Variants in PPP2R2D observed in about 807,000 individuals in gnomAD.
PPP2R2D encodes the protein serine/threonine-protein phosphatase 2A 55 kDa regulatory subunit B delta isoform.
A neutral mutation model predicts 31.1 loss-of-function variants in PPP2R2D; 9 were observed. The observed-to-expected ratio is 0.29, with a 90% CI of 0.17 to 0.51. PPP2R2D has a LOEUF of 0.51. Among genes scored for constraint, PPP2R2D ranks in the 20% least tolerant of loss-of-function variants. The pLI is 0.98. For synonymous variants in PPP2R2D, 179 were observed against 172.6 expected (o/e 1.04, Z -0.29); for missense variants, 391 against 465.6 (o/e 0.84, Z 1.48).
At chr10:131,907,335 T>A (rs915455182) in intron 2 of PPP2R2D, among the ~76,000 whole-genome samples, 1 of 152,200 alleles carries the variant, frequency 6.6e-6, no homozygotes, top group Non-Finnish European at 1.5e-5. Context: ...CAGGAAAGCA[T>A]CCTCTGGGGA....
intron 2 of PPP2R2D, among the ~76,000 whole-genome samples, chr10:131,929,104 G>A (rs377071573): frequency 6.6e-6 from 1 of 152,156 alleles, no homozygotes; most frequent in African/African-American, 2.4e-5. Flanking sequence ...GACCCCAGAC[G>A]GCCTTGTCAT....
chr10:131,956,305 C>G lies in PPP2R2D; in HGVS notation c.*342C>G. The G allele has an allele frequency of 3.0e-6, 3 of 1,012,228 alleles. No homozygotes were observed. The highest frequency in any genetic ancestry group is 3.5e-6 in the Non-Finnish European group (3 of 848,028). 62.7% of individuals were successfully genotyped at this position (1,012,228 alleles called of 1,614,324 possible). A position where few individuals can be genotyped will look rare whatever the true frequency, so the allele number is the denominator to read the frequency against. On this transcript the variant is annotated 3_prime_UTR_variant, in exon 9 of 9. Coordinates refer to ENST00000455566, the MANE Select transcript of PPP2R2D (RefSeq NM_018461.5). ...TAACATCCAAGAGAAAAGTTATTGTCAGATACCGCTCTTTCTCCAACTTTC... is the reference window on the plus strand; with the variant it reads ...TAACATCCAAGAGAAAAGTTATTGTGAGATACCGCTCTTTCTCCAACTTTC...
At chr10:131,964,596 G>T (rs2036956617), downstream of PPP2R2D, among the ~76,000 whole-genome samples, 1 of 151,716 alleles carries the variant, frequency 6.6e-6, no homozygotes, top group Non-Finnish European at 1.5e-5. Context: ...ACATCACACA[G>T]TGTTAATATG....
chr10:131,916,430 C>T (rs182653770), intron 2 of PPP2R2D, among the ~76,000 whole-genome samples: 12 of 151,630 alleles, frequency 7.9e-5, no homozygotes, highest in African/African-American at 2.9e-4. Context: ...TGTACAGTTG[C>T]GTGGTGGTAA....
chr10:131,912,813 G>C (rs1438919613), intron 2 of PPP2R2D, among the ~76,000 whole-genome samples: 1 of 152,192 alleles, frequency 6.6e-6, no homozygotes, highest in African/African-American at 2.4e-5. Context: ...TATTCCCTTA[G>C]TTATTTAGTC....
chr10:131,916,330 A>ATTTT (rs34461938), intron 2 of PPP2R2D, among the ~76,000 whole-genome samples: 1 of 143,560 alleles, frequency 7.0e-6, no homozygotes, highest in Non-Finnish European at 1.5e-5. Flanking sequence ...ATAGATTGGG[A>ATTTT]TTTTTTTTTT....
chr10:131,938,946 T>G (rs1323516572), intron 3 of PPP2R2D, among the ~76,000 whole-genome samples: 2 of 152,212 alleles, frequency 1.3e-5, no homozygotes, highest in African/African-American at 4.8e-5. Context: ...TTGCAAACAT[T>G]TTTGCCTCTA....
rs533358923 is a variant in PPP2R2D at position 131,920,123 on chromosome 10, G to A, written c.101-14335G>A. On this transcript the variant is annotated intron_variant, in intron 2 of 8. Transcript: ENST00000455566. The stretch of plus-strand genomic sequence containing the variant: ...GACAGTGTTTGTAGGGACCTCACGC[G>A]GGTGGAATTACACAGTGTAGGGACC... Among the ~76,000 whole-genome samples, 172 of 92,762 alleles carry A rather than the reference G, an allele frequency of 1.9e-3. 5 individuals are homozygous for A. Among genetic ancestry groups the A allele is most frequent in the African/African-American group, 6.7e-3 (152 of 22,594 alleles). 60.9% of individuals were successfully genotyped at this position (92,762 alleles called of 152,430 possible).
intron 3 of PPP2R2D, among the ~76,000 whole-genome samples, chr10:131,936,634 A>G (rs1554896534): frequency 6.6e-6 from 1 of 152,238 alleles, no homozygotes. Context: ...AACCTAAATA[A>G]TAATAGTCTC....
chr10:131,932,765 T>C (rs1314213075), intron 2 of PPP2R2D, among the ~76,000 whole-genome samples: 1 of 151,998 alleles, frequency 6.6e-6, no homozygotes, highest in East Asian at 1.9e-4. Context: ...ATTAATTTGA[T>C]GTTGATAATT....
At chr10:131,910,285 A>G (rs1446720132) in intron 2 of PPP2R2D, among the ~76,000 whole-genome samples, 2 of 152,166 alleles carry the variant, frequency 1.3e-5, no homozygotes, top group African/African-American at 2.4e-5. Context: ...ATATTGTTAC[A>G]TGGAGTTGTT....
Position 131,956,120 on chromosome 10 carries a change from G to A in PPP2R2D, c.*157G>A, listed in dbSNP as rs1554899934. The A allele has an allele frequency of 6.4e-6, 8 of 1,259,686 alleles. No homozygotes were observed. The highest frequency in any genetic ancestry group is 8.0e-6 in the Non-Finnish European group (8 of 1,004,432). 78.0% of individuals were successfully genotyped at this position (1,259,686 alleles called of 1,614,324 possible). A position where few individuals can be genotyped will look rare whatever the true frequency, so the allele number is the denominator to read the frequency against. On this transcript the variant is annotated 3_prime_UTR_variant, in exon 9 of 9. Coordinates refer to ENST00000455566, the MANE Select transcript of PPP2R2D (RefSeq NM_018461.5). ...GAAAGCCGCCTCCGCTGGAGGCCCGGTGTGGTTCCGCCTCGGCGAGGCGCG... is the reference window on the plus strand; with the variant it reads ...GAAAGCCGCCTCCGCTGGAGGCCCGATGTGGTTCCGCCTCGGCGAGGCGCG...
intron 2 of PPP2R2D, among the ~76,000 whole-genome samples, chr10:131,923,697 C>T (rs2036039219): frequency 6.6e-6 from 1 of 152,096 alleles, no homozygotes; most frequent in African/African-American, 2.4e-5. Flanking sequence ...TGAGCATTTC[C>T]TGTGCTTATT....
the PPP2R2D span, chr10:131,968,600 A>G: frequency 6.4e-7 from 1 of 1,555,634 alleles, no homozygotes; most frequent in Non-Finnish European, 8.9e-7. Context: ...TAGTTAATGT[A>G]TCTTGTGATT....
intron 3 of PPP2R2D, 23 bp downstream of exon 3, chr10:131,934,578 A>G: frequency 1.3e-6 from 1 of 769,282 alleles, no homozygotes; most frequent in Non-Finnish European, 2.4e-6. Flanking sequence ...CAGTCCACAA[A>G]TCAAATGCAA....
chr10:131,912,241 G>A (rs1171754114), intron 2 of PPP2R2D: 1 of 152,124 alleles, frequency 6.6e-6, no homozygotes, highest in Non-Finnish European at 1.5e-5. Context: ...ACCCAGGCTG[G>A]AGTGCAGTGG....
At chr10:131,918,837 G>A (rs1328997774) in intron 2 of PPP2R2D, among the ~76,000 whole-genome samples, 4 of 142,674 alleles carry the variant, frequency 2.8e-5, no homozygotes, top group Non-Finnish European at 6.0e-5. Flanking sequence ...TCACGGGGGT[G>A]GAATGACACA....
At chr10:131,920,919 G>A (rs1465940656) in intron 2 of PPP2R2D, among the ~76,000 whole-genome samples, 5 of 152,188 alleles carry the variant, frequency 3.3e-5, no homozygotes, top group African/African-American at 1.2e-4. Flanking sequence ...GCAACATAGC[G>A]AGACCCTGTC....
Position 131,904,020 on chromosome 10 carries a change from A to C in PPP2R2D, c.100+2690A>C, listed in dbSNP as rs2035542837. On this transcript the variant is annotated intron_variant, in intron 2 of 8. Transcript: ENST00000455566. The stretch of plus-strand genomic sequence containing the variant: ...GGAGTTTGAGACTAGCCTGGCCAAT[A>C]TGGCGAAACCCCATCTCTACTAAAA... Among the ~76,000 whole-genome samples, 4 of 152,156 alleles carry C rather than the reference A, an allele frequency of 2.6e-5. No homozygotes were observed. In the South Asian group the frequency reaches 8.3e-4, roughly 32 times the overall value.
Sources: allele counts gnomAD v4.1 joint callset (sites outside exome capture counted in the v4.1 genomes callset), GRCh38; gene constraint gnomAD v4.1.1; transcripts MANE v1.5; gene names NCBI Gene and HGNC (gene_info 2026-07-23, HGNC 2026-07-21).